The following CLEC12A variants were observed in gnomAD, a reference collection of about 807,000 sequenced individuals.
CLEC12A encodes the protein C-type lectin protein CLL-1.
Under a neutral mutation model 26.5 loss-of-function variants are expected in CLEC12A, and 22 were observed. The ratio of observed to expected loss-of-function variants is 0.83; its 90% CI spans 0.59 to 1.19. The LOEUF is 1.19. CLEC12A is among the 50% of genes most tolerant of loss of function. The pLI is 0.00. For missense variants in CLEC12A, 353 were observed against 315.6 expected, an observed-to-expected ratio of 1.12 and a Z score of -0.90; for synonymous variants, 119 against 101.9, an observed-to-expected ratio of 1.17 and a Z score of -1.01.
downstream of CLEC12A, among the ~76,000 whole-genome samples, chr12:10,000,290 A>AT (rs771040355): frequency 6.6e-6 from 1 of 152,244 alleles, no homozygotes; most frequent in South Asian, 2.1e-4. Flanking sequence ...TAGCCCGTAG[A>AT]TTTTTTCTCC....
At chr12:9,959,553 A>G (rs113554255) in intron 1 of CLEC12A, among the ~76,000 whole-genome samples, 194 of 151,952 alleles carry the variant, frequency 1.3e-3, no homozygotes, top group Non-Finnish European at 2.3e-3. Context: ...TGGCACCTCT[A>G]TTCTTGTGTG....
downstream of CLEC12A, among the ~76,000 whole-genome samples, chr12:9,989,956 A>G (rs1192792714): frequency 1.3e-5 from 2 of 152,204 alleles, no homozygotes; most frequent in African/African-American, 4.8e-5. Flanking sequence ...GAATGAAACA[A>G]TGACGTCTAG....
In CLEC12A at chr12:9,985,092, T is replaced by C. The variant is rs1463239913; in HGVS notation, c.*66T>C. 18 of 1,304,950 alleles carry C rather than the reference T, an allele frequency of 1.4e-5. No homozygotes were observed. Among genetic ancestry groups the C allele is most frequent in the Non-Finnish European group, 2.9e-6 (3 of 1,028,366 alleles). The allele number at this position is 1,304,950 out of a possible 1,614,324, so 80.8% of individuals were successfully genotyped here. ...GTTCTAGGCTATAGGTAAATTTAAATATTTTCTGGTTGACAATTAGTTGAG... is the reference window on the plus strand; with the variant it reads ...GTTCTAGGCTATAGGTAAATTTAAACATTTTCTGGTTGACAATTAGTTGAG... On this transcript the variant is annotated 3_prime_UTR_variant, in exon 6 of 6. Transcript: ENST00000304361.
intron 1 of CLEC12A, among the ~76,000 whole-genome samples, chr12:9,964,637 G>T (rs574061367): frequency 6.6e-6 from 1 of 152,118 alleles, no homozygotes; most frequent in Non-Finnish European, 1.5e-5. Context: ...AGGGAAAGGA[G>T]GGGGCCTGAA....
intron 1 of CLEC12A, among the ~76,000 whole-genome samples, chr12:9,953,522 C>A (rs1356388860): frequency 3.3e-5 from 5 of 151,130 alleles, no homozygotes; most frequent in Middle Eastern, 3.2e-3. Context: ...CTCTGCCCGG[C>A]CGCCCCCTAC....
intron 5 of CLEC12A, among the ~76,000 whole-genome samples, 198 bp downstream of exon 5, chr12:9,982,327 C>G (rs1048955983): frequency 1.3e-5 from 2 of 151,988 alleles, no homozygotes; most frequent in African/African-American, 4.8e-5. Flanking sequence ...TGACAAGTAA[C>G]TAACAAAATT....
At chr12:9,981,996 A>G in intron 4 of CLEC12A, 24 bp from the exon 5 acceptor site, 1 of 1,177,852 alleles carries the variant, frequency 8.5e-7, no homozygotes, top group Non-Finnish European at 1.2e-6. Flanking sequence ...TGTTTCTTAA[A>G]CAGACTATCT....
the CLEC12A span, among the ~76,000 whole-genome samples, chr12:10,003,609 C>T: frequency 6.6e-6 from 1 of 152,046 alleles, no homozygotes; most frequent in African/African-American, 2.4e-5. Flanking sequence ...ATACATGTAC[C>T]TCTTGTAAAA....
At chr12:10,004,037 T>G in the CLEC12A span, among the ~76,000 whole-genome samples, 3 of 152,214 alleles carry the variant, frequency 2.0e-5, no homozygotes, top group Non-Finnish European at 4.4e-5. Context: ...TAGCAGGGTA[T>G]GTGACGGGCA....
chr12:9,971,015 C>T (rs2137136811), upstream of CLEC12A, among the ~76,000 whole-genome samples: 1 of 152,294 alleles, frequency 6.6e-6, no homozygotes. Context: ...CGGAATGACA[C>T]TAACTGTCTC....
At chr12:9,994,711 C>G (rs151198877) in intron 4 of CLEC12A, among the ~76,000 whole-genome samples, 133 of 152,136 alleles carry the variant, frequency 8.7e-4, no homozygotes, top group Non-Finnish European at 1.6e-3. Context: ...ATTGAAAACT[C>G]AAAAGGACTC....
chr12:10,002,272 TA>T, the CLEC12A span, among the ~76,000 whole-genome samples: 86 of 152,330 alleles, frequency 5.6e-4, 2 homozygotes, highest in South Asian at 0.017. Flanking sequence ...AAGAACACTC[TA>T]AATTGTCTGT....
intron 1 of CLEC12A, among the ~76,000 whole-genome samples, chr12:9,966,328 T>C (rs1038840290): frequency 6.6e-6 from 1 of 152,154 alleles, no homozygotes; most frequent in Non-Finnish European, 1.5e-5. Context: ...GCAGTGACAG[T>C]CTTCAGTTGT....
chr12:9,985,285 AG>A lies in CLEC12A; in HGVS notation c.*260del. ...GGAGGAAGAGGAAGTCCATTCAGAT[AG>A]TTGTGGGGGGCCTTCGAATTTTCAT... On this transcript the variant is annotated 3_prime_UTR_variant, in exon 6 of 6. Transcript: ENST00000304361. 4 of 400,504 alleles carry A rather than the reference AG, an allele frequency of 1.0e-5. No homozygotes were observed. The highest frequency in any genetic ancestry group is 1.7e-5 in the Non-Finnish European group (4 of 231,414). The allele number at this position is 400,504 out of a possible 1,614,324, so 24.8% of individuals were successfully genotyped here. A position where few individuals can be genotyped will look rare whatever the true frequency, so the allele number is the denominator to read the frequency against.
downstream of CLEC12A, chr12:9,998,366 A>T: frequency 6.2e-7 from 1 of 1,613,820 alleles, no homozygotes; most frequent in Non-Finnish European, 8.5e-7. Flanking sequence ...CACCAGGAGG[A>T]GGATGCAGAG....
At chr12:9,997,026 T>C (rs1865067732), downstream of CLEC12A, 1 of 1,612,474 alleles carries the variant, frequency 6.2e-7, no homozygotes, top group African/African-American at 1.3e-5. Context: ...ACAGGAATGG[T>C]GTATTTTTTC....
At chr12:9,978,412 G>A (rs1264769985) in intron 1 of CLEC12A, among the ~76,000 whole-genome samples, 2 of 101,262 alleles carry the variant, frequency 2.0e-5, no homozygotes, top group Non-Finnish European at 4.1e-5. Flanking sequence ...TGTAGATCTG[G>A]ACTGATTAAG....
rs1186960421 is a variant in CLEC12A at position 9,971,455 on chromosome 12, C to T, written c.-142C>T. On this transcript the variant is annotated 5_prime_UTR_variant, in exon 1 of 6. Coordinates refer to ENST00000304361, the MANE Select transcript of CLEC12A (RefSeq NM_138337.6). The stretch of plus-strand genomic sequence containing the variant: ...GTGATTGGTACAGTAGGTTTATAAA[C>T]AGAAGTTTAAACTTGTAAGCTTAAG... 2 of 1,377,342 alleles carry T rather than the reference C, an allele frequency of 1.5e-6. No individual in the cohort carries two copies. Among genetic ancestry groups the T allele is most frequent in the Non-Finnish European group, 1.9e-6 (2 of 1,067,592 alleles). 85.3% of individuals were successfully genotyped at this position (1,377,342 alleles called of 1,614,324 possible). A position where few individuals can be genotyped will look rare whatever the true frequency, so the allele number is the denominator to read the frequency against.
intron 3 of CLEC12A, 146 bp from the exon 4 acceptor site, chr12:9,980,436 A>C: frequency 4.5e-6 from 1 of 222,558 alleles, no homozygotes; most frequent in Non-Finnish European, 7.7e-6. Flanking sequence ...AGACTCTGTC[A>C]AAAAAAAAAA....
Sources: allele counts gnomAD v4.1 joint callset (sites outside exome capture counted in the v4.1 genomes callset), GRCh38; gene constraint gnomAD v4.1.1; transcripts MANE v1.5; gene names NCBI Gene and HGNC (gene_info 2026-07-23, HGNC 2026-07-21).